Variants in ZBTB46 observed in about 807,000 individuals in gnomAD.
ZBTB46 encodes zinc finger and BTB domain-containing protein 46.
Under a neutral mutation model 44.1 loss-of-function variants are expected in ZBTB46, and 8 were observed. That is an observed-to-expected ratio of 0.18 (90% CI 0.11 to 0.33). The LOEUF is 0.33. Among genes scored for constraint, ZBTB46 ranks in the 10% least tolerant of loss-of-function variants. ZBTB46 has a pLI of 1.00. For missense variants in ZBTB46, 651 were observed against 847.7 expected (o/e 0.77, Z 2.88); for synonymous variants, 409 against 382.3 (o/e 1.07, Z -0.81).
chr20:63,750,265 G>A (rs1480792822), intron 4 of ZBTB46, among the ~76,000 whole-genome samples: 2 of 152,182 alleles, frequency 1.3e-5, no homozygotes, highest in African/African-American at 2.4e-5. Flanking sequence ...GTTCTTTAGA[G>A]ACAGGGTCTC....
At chr20:63,755,773 C>T (rs991837983) in intron 3 of ZBTB46, among the ~76,000 whole-genome samples, 3 of 152,150 alleles carry the variant, frequency 2.0e-5, no homozygotes, top group Non-Finnish European at 4.4e-5. Context: ...ACTTACATCA[C>T]GTAGCTTCAT....
chr20:63,747,239 G>T lies in ZBTB46; in HGVS notation c.1461C>A (p.Ala487=). ...TGGAGCCATGCCTGATGCCCACGCT[G>T]GCGGCGGACATGAAGACGCGGCTGC... ...KVCSRVFMSA[A]SVGIRHGSRR... is the part of the protein sequence containing the mutation. Residue 487 remains alanine (A), a synonymous_variant, in exon 5 of 5, where the codon GCC becomes GCA. Transcript: ENST00000245663. 6.3e-7 allele frequency: 1 copy of T among 1,583,654 alleles called. No homozygotes were observed.
chr20:63,833,122 G>C (rs923782664), upstream of ZBTB46, among the ~76,000 whole-genome samples: 1 of 152,258 alleles, frequency 6.6e-6, no homozygotes, highest in African/African-American at 2.4e-5. Context: ...GAGCAGTGTT[G>C]ATGGTTTGCC....
At chr20:63,759,790 T>C (rs1361157667) in intron 3 of ZBTB46, among the ~76,000 whole-genome samples, 2 of 152,224 alleles carry the variant, frequency 1.3e-5, no homozygotes, top group Admixed American at 6.5e-5. Flanking sequence ...TTTTTGTAGA[T>C]ACTTTTTGTC....
chr20:63,781,793 A>AG (rs1421022949), intron 2 of ZBTB46, among the ~76,000 whole-genome samples: 2 of 150,752 alleles, frequency 1.3e-5, no homozygotes, highest in Non-Finnish European at 3.0e-5. Flanking sequence ...CTCTGTCAAA[A>AG]AAAAAATAGA....
rs138900593 is a variant in ZBTB46 at position 63,808,714 on chromosome 20, C to G, written c.-33-17924G>C. Reference sequence around the variant, plus strand: ...AAACCAGCAGGCGCGGTGGCTCACGCCTGTAATCCCAGCACTTTGGGAGGC... The same window carrying G: ...AAACCAGCAGGCGCGGTGGCTCACGGCTGTAATCCCAGCACTTTGGGAGGC... On this transcript the variant is annotated intron_variant, in intron 1 of 4. Coordinates refer to ENST00000245663, the MANE Select transcript of ZBTB46 (RefSeq NM_001369741.1). Among the ~76,000 whole-genome samples the G allele has an allele frequency of 8.0e-3, 1,214 of 152,242 alleles. 11 individuals carry two copies. The highest frequency in any genetic ancestry group is 0.026 in the African/African-American group (1,075 of 41,570).
intron 1 of ZBTB46, among the ~76,000 whole-genome samples, chr20:63,796,227 C>T (rs532604865): frequency 4.9e-4 from 75 of 152,322 alleles, no homozygotes; most frequent in Middle Eastern, 3.4e-3. Flanking sequence ...AAACAGCAGG[C>T]GTGATTCAGG....
chr20:63,771,443 G>A (rs1450661545), intron 3 of ZBTB46, among the ~76,000 whole-genome samples: 2 of 152,218 alleles, frequency 1.3e-5, no homozygotes, highest in African/African-American at 4.8e-5. Context: ...CTCCCGCACG[G>A]TGTTGAGAGA....
intron 3 of ZBTB46, chr20:63,769,524 G>C (rs1285605988): frequency 4.7e-6 from 4 of 855,338 alleles, no homozygotes; most frequent in Non-Finnish European, 5.6e-6. Context: ...CTGGAGGCAG[G>C]TGTTTGAACG....
chr20:63,803,909 TGCC>T lies in ZBTB46; in HGVS notation c.-33-13122_-33-13120del, dbSNP rs1277480897. On this transcript the variant is annotated intron_variant, in intron 1 of 4. Transcript: ENST00000245663. This position sits in a 1 kb window ranked among gnomAD's most constrained non-coding sequence, Gnocchi z 4.0. ...TTGTAGAGACGGGGTTCTGTCGTGT[TGCC>T]CAGGTTGGTCTTGAATTCCTAAACG... is the stretch of plus-strand genomic sequence containing the variant. Among the ~76,000 whole-genome samples, 1 of 152,228 alleles carries T rather than the reference TGCC, an allele frequency of 6.6e-6. No individual in the cohort carries two copies. The highest frequency in any genetic ancestry group is 1.5e-5 in the Non-Finnish European group (1 of 68,046).
intron 1 of ZBTB46, among the ~76,000 whole-genome samples, chr20:63,796,974 A>C (rs1366184771): frequency 6.6e-6 from 1 of 152,220 alleles, no homozygotes; most frequent in Non-Finnish European, 1.5e-5. Context: ...GTTCAAGTCC[A>C]GCCTGGGCAA....
At chr20:63,768,654 T>C (rs1190757193) in intron 3 of ZBTB46, among the ~76,000 whole-genome samples, 4 of 152,122 alleles carry the variant, frequency 2.6e-5, no homozygotes, top group Non-Finnish European at 4.4e-5. Context: ...AGAATTTTTT[T>C]TTCTCCAGGG....
intron 1 of ZBTB46, among the ~76,000 whole-genome samples, chr20:63,820,063 A>C (rs1050365719): frequency 6.6e-6 from 1 of 152,244 alleles, no homozygotes; most frequent in African/African-American, 2.4e-5. Context: ...CGAAGAAAAG[A>C]AAGCAAAAGT....
At chr20:63,785,833 A>T (rs547163680) in intron 2 of ZBTB46, among the ~76,000 whole-genome samples, 1 of 152,304 alleles carries the variant, frequency 6.6e-6, no homozygotes, top group East Asian at 1.9e-4. Flanking sequence ...AACTCGGAAT[A>T]ATCTAATGGA....
At chr20:63,754,701 A>G (rs1033373997) in intron 3 of ZBTB46, among the ~76,000 whole-genome samples, 1 of 151,682 alleles carries the variant, frequency 6.6e-6, no homozygotes, top group African/African-American at 2.4e-5. Context: ...CCGGGTTCAC[A>G]TCATTCTCCT....
In ZBTB46 at chr20:63,809,111, C is replaced by T. The variant is rs531826305; in HGVS notation, c.-33-18321G>A. Among the ~76,000 whole-genome samples, 48 of 152,204 alleles carry T rather than the reference C, an allele frequency of 3.2e-4. 1 individual carries two copies. The highest frequency in any genetic ancestry group is 2.5e-3 in the Admixed American group (38 of 15,294). On this transcript the variant is annotated intron_variant, in intron 1 of 4. Coordinates refer to ENST00000245663, the MANE Select transcript of ZBTB46 (RefSeq NM_001369741.1). The stretch of plus-strand genomic sequence containing the variant: ...AGGCACTCAAGGGGCTCTCCACGTT[C>T]GCCTTCCACGTTCCCCTTCGCAGGG...
At chr20:63,768,466 A>G (rs1279863926) in intron 3 of ZBTB46, among the ~76,000 whole-genome samples, 1 of 152,144 alleles carries the variant, frequency 6.6e-6, no homozygotes, top group African/African-American at 2.4e-5. Flanking sequence ...TGGTGTGCCC[A>G]ACGGGATACC....
intron 2 of ZBTB46, among the ~76,000 whole-genome samples, chr20:63,779,036 G>T (rs912443031): frequency 9.2e-5 from 14 of 152,206 alleles, no homozygotes; most frequent in Admixed American, 9.2e-4. Flanking sequence ...GGAGCAGAGT[G>T]GGTGGTGGGT....
At chr20:63,750,436 G>C (rs975642242) in intron 4 of ZBTB46, among the ~76,000 whole-genome samples, 1 of 150,676 alleles carries the variant, frequency 6.6e-6, no homozygotes, top group African/African-American at 2.4e-5. Flanking sequence ...ACAGAGTCTC[G>C]CAATTTTGCC....
Sources: allele counts gnomAD v4.1 joint callset (sites outside exome capture counted in the v4.1 genomes callset), GRCh38; gene constraint gnomAD v4.1.1; non-coding constraint Gnocchi (gnomAD v3.1); transcripts MANE v1.5; gene names NCBI Gene and HGNC (gene_info 2026-07-23, HGNC 2026-07-21).